The following FBXL16 variants were observed in gnomAD, a reference collection of about 807,000 sequenced individuals.
FBXL16 encodes F-box/LRR-repeat protein 16.
FBXL16 carries 7 observed loss-of-function variants against 36.7 expected under a neutral mutation model. That is an observed-to-expected ratio of 0.19 (90% CI 0.11 to 0.36). The LOEUF (loss-of-function observed/expected upper bound fraction) is 0.36. Ranked by LOEUF, FBXL16 falls within the 10% of genes least tolerant of loss-of-function variation. The pLI, the probability that FBXL16 is intolerant of heterozygous loss-of-function variation, is 1.00. For synonymous variants in FBXL16, 355 were observed against 308.7 expected, an observed-to-expected ratio of 1.15 and a Z score of -1.57; for missense variants, 463 against 659.4, an observed-to-expected ratio of 0.70 and a Z score of 3.26.
chr16:705,072 G>A (rs2040082116), intron 1 of FBXL16, among the ~76,000 whole-genome samples: 1 of 152,174 alleles, frequency 6.6e-6, no homozygotes, highest in African/African-American at 2.4e-5. Flanking sequence ...CCCGGGTCCA[G>A]AAGCCGCCCG....
At position 696,880 on chromosome 16, in the gene FBXL16, C is replaced by G; in HGVS notation, c.526G>C (p.Val176Leu). 6.2e-7 allele frequency: 1 copy of G among 1,609,980 alleles called. No individual in the cohort carries two copies. The highest frequency in any genetic ancestry group is 8.5e-7 in the Non-Finnish European group (1 of 1,179,178). ...RGFEGFCLVG[V>L]SDLDICEFID... is the part of the protein sequence containing the mutation. Reference sequence around the variant, plus strand: ...AACTCACAGATGTCCAGGTCGGAGACGCCAACCAGGCAGAAGCCCTCGAAG... The same window carrying G: ...AACTCACAGATGTCCAGGTCGGAGAGGCCAACCAGGCAGAAGCCCTCGAAG... The change falls in exon 2 of 6, where the codon GTC becomes CTC. Residue 176 changes from valine (V) to leucine (L), a missense_variant. By Grantham distance (32) the Val-to-Leu change is conservative. This residue lies in a region of FBXL16 where 263 missense variants were observed against 341.1 expected (regional missense o/e 0.77). Transcript: ENST00000397621.
rs1230994579 is a variant in FBXL16 at position 695,468 on chromosome 16, C to T, written c.1089G>A (p.Ala363=). 7 of 1,573,974 alleles carry T rather than the reference C, an allele frequency of 4.4e-6. No homozygotes were observed. Among genetic ancestry groups the T allele is most frequent in the South Asian group, 1.1e-5 (1 of 87,608 alleles). Reference sequence around the variant, plus strand: ...GCAGGTCGCAGGCCACGTACTCCAGCGCCATGTCGGTGATGCGTGGGCACC... The same window carrying T: ...GCAGGTCGCAGGCCACGTACTCCAGTGCCATGTCGGTGATGCGTGGGCACC... The part of the protein sequence containing the change: ...LSWCPRITDM[A]LEYVACDLHR... Residue 363 remains alanine, a synonymous_variant, in exon 3 of 6, where the codon GCG becomes GCA. Transcript: ENST00000397621.
At chr16:700,290 A>C (rs1314291203) in intron 1 of FBXL16, among the ~76,000 whole-genome samples, 1 of 151,776 alleles carries the variant, frequency 6.6e-6, no homozygotes. Context: ...CCTCTGTACC[A>C]TCTCCCCCTC....
In FBXL16 at chr16:694,982, G is replaced by C. The variant is rs781416218; in HGVS notation, c.1227+10C>G. 11 of 1,529,098 alleles carry C rather than the reference G, an allele frequency of 7.2e-6. No individual in the cohort carries two copies. The highest frequency in any genetic ancestry group is 6.0e-5 in the Admixed American group (3 of 49,766). The allele number at this position is 1,529,098 out of a possible 1,614,324, so 94.7% of individuals were successfully genotyped here. On this transcript the variant is annotated intron_variant, in intron 4 of 5. Transcript: ENST00000397621. Reference sequence around the variant, plus strand: ...CCGATCCCCCAATCCCGGGGCGTGAGAGCCGGTACCTGGCAGCACCATCGC... The same window carrying C: ...CCGATCCCCCAATCCCGGGGCGTGACAGCCGGTACCTGGCAGCACCATCGC...
At chr16:704,160 G>T (rs2040074948) in intron 1 of FBXL16, among the ~76,000 whole-genome samples, 1 of 152,242 alleles carries the variant, frequency 6.6e-6, no homozygotes, top group Admixed American at 6.5e-5. Flanking sequence ...AGTGCCACCT[G>T]GGTGGGAGAT....
intron 1 of FBXL16, among the ~76,000 whole-genome samples, chr16:705,294 G>A (rs1276821409): frequency 1.3e-5 from 2 of 152,116 alleles, no homozygotes; most frequent in Non-Finnish European, 2.9e-5. Context: ...CCCTCTTCCG[G>A]GCCAGGGGCC....
In FBXL16 at chr16:697,384, C is replaced by T. The variant is rs746640728; in HGVS notation, c.22G>A (p.Gly8Ser). 25 of 1,535,482 alleles carry T rather than the reference C, an allele frequency of 1.6e-5. No individual in the cohort carries two copies. The highest frequency in any genetic ancestry group is 1.4e-4 in the South Asian group (12 of 83,978). Residue 8 changes from glycine (G) to serine (S), a missense_variant, in exon 2 of 6, where the codon GGC becomes AGC. Physicochemically the swap from Gly to Ser is moderately conservative, Grantham distance 56. Transcript: ENST00000397621. This position sits in a 1 kb window ranked among gnomAD's most constrained non-coding sequence, Gnocchi z 4.6. MSSPGID[G>S]DPKPPCLPRN... ...GGCAAGCATGGAGGCTTGGGGTCGC[C>T]GTCGATGCCCGGGCTCGACATCTTC...
chr16:697,150 G>C lies in FBXL16; in HGVS notation c.256C>G (p.Pro86Ala). 6.3e-7 allele frequency: 1 copy of C among 1,595,512 alleles called. No homozygotes were observed. Among genetic ancestry groups the C allele is most frequent in the African/African-American group, 1.3e-5 (1 of 74,570 alleles). ...PAGGPASALA[P>A]GHPAERPPLA... is the part of the protein sequence containing the mutation. Reference sequence around the variant, plus strand: ...GGCGGCCGCTCCGCTGGGTGCCCAGGTGCCAAGGCTGAGGCTGGTCCACCT... The same window carrying C: ...GGCGGCCGCTCCGCTGGGTGCCCAGCTGCCAAGGCTGAGGCTGGTCCACCT... Residue 86 changes from proline to alanine, a missense_variant, in exon 2 of 6, where the codon CCT (proline) becomes GCT (alanine). Physicochemically the swap from Pro to Ala is conservative, Grantham distance 27. Around this residue, in one of 3 missense-constraint regions of FBXL16, gnomAD observed 263 missense variants for 341.1 expected, o/e 0.77. Coordinates refer to ENST00000397621, the MANE Select transcript of FBXL16 (RefSeq NM_153350.4). The surrounding 1 kb of genome is among the most constrained non-coding windows in gnomAD (Gnocchi z 4.6).
chr16:695,223 GA>G (rs1263036924), intron 3 of FBXL16, 147 bp from the exon 4 acceptor site: 8 of 1,161,770 alleles, frequency 6.9e-6, no homozygotes, highest in Non-Finnish European at 9.5e-6. Flanking sequence ...CACCGGGAAG[GA>G]CGGGGGTCCA....
At position 698,913 on chromosome 16, in the gene FBXL16, C is replaced by CAAAAA. The variant is rs767619638; in HGVS notation, c.-14-1499_-14-1495dup. ...TGGGGAACAGAGTGAGACTTTGTCTCAAAAAAAAAAAAAAAAAAAGAAAGA... is the reference window on the plus strand; with the variant it reads ...TGGGGAACAGAGTGAGACTTTGTCTCAAAAAAAAAAAAAAAAAAAAAAAAGAAAGA... On this transcript the variant is annotated intron_variant, in intron 1 of 5. Transcript: ENST00000397621. Among the ~76,000 whole-genome samples, 541 of 89,456 alleles carry CAAAAA rather than the reference C, an allele frequency of 6.0e-3. 11 individuals carry two copies. Among genetic ancestry groups the CAAAAA allele is most frequent in the South Asian group, 0.025 (80 of 3,252 alleles). The allele number at this position is 89,456 out of a possible 152,430, so 58.7% of individuals were successfully genotyped here.
At chr16:702,874 T>G (rs2040067159) in intron 1 of FBXL16, among the ~76,000 whole-genome samples, 1 of 152,198 alleles carries the variant, frequency 6.6e-6, no homozygotes, top group Admixed American at 6.5e-5. Context: ...AGGAAGTGGC[T>G]GCCCGTCCTC....
intron 1 of FBXL16, among the ~76,000 whole-genome samples, chr16:701,233 G>A (rs575634261): frequency 6.6e-6 from 1 of 152,186 alleles, no homozygotes; most frequent in Non-Finnish European, 1.5e-5. Flanking sequence ...GGCCGTCTGG[G>A]TATGGGTCCG....
At chr16:702,931 G>A (rs1007633676) in intron 1 of FBXL16, among the ~76,000 whole-genome samples, 8 of 152,234 alleles carry the variant, frequency 5.3e-5, no homozygotes, top group Non-Finnish European at 1.0e-4. Context: ...CTCCTGCCCC[G>A]CTCTCCCTGG....
intron 1 of FBXL16, among the ~76,000 whole-genome samples, chr16:701,625 CG>C (rs1278515785): frequency 6.6e-6 from 1 of 151,296 alleles, no homozygotes; most frequent in East Asian, 2.0e-4. Context: ...CCCAGCCAGA[CG>C]GTCACCAAGG....
chr16:704,846 C>T (rs1257851054), intron 1 of FBXL16, among the ~76,000 whole-genome samples: 1 of 152,244 alleles, frequency 6.6e-6, no homozygotes, highest in Non-Finnish European at 1.5e-5. Context: ...CTGAAGCTGC[C>T]ACCGCAGCCC....
chr16:697,993 CTG>C lies in FBXL16; in HGVS notation c.-14-576_-14-575del. Reference sequence around the variant, plus strand: ...CCAGCCTGGGCAACTGAGCAAGACTCTGTCTCAAAAAAAAAAAAAAGAAACAG... The same window carrying C: ...CCAGCCTGGGCAACTGAGCAAGACTCTCTCAAAAAAAAAAAAAAGAAACAG... On this transcript the variant is annotated intron_variant, in intron 1 of 5. Coordinates refer to ENST00000397621, the MANE Select transcript of FBXL16 (RefSeq NM_153350.4). This position sits in a 1 kb window ranked among gnomAD's most constrained non-coding sequence, Gnocchi z 4.6. 6.7e-6 allele frequency among the ~76,000 whole-genome samples: 1 copy of C among 149,934 alleles called. No homozygotes were observed. Among genetic ancestry groups the C allele is most frequent in the African/African-American group, 2.5e-5 (1 of 40,376 alleles).
Position 697,117 on chromosome 16 carries a change from T to C in FBXL16, c.289A>G (p.Thr97Ala). The part of the protein sequence containing the change: ...GHPAERPPLA[T>A]DEKILNGLFW... ...AGCCCATTGAGGATCTTCTCGTCCG[T>C]GGCCAGCGGCGGCCGCTCCGCTGGG... The change falls in exon 2 of 6, where the codon ACG becomes GCG. Residue 97 changes from threonine (T) to alanine (A), a missense_variant. Coordinates refer to ENST00000397621, the MANE Select transcript of FBXL16 (RefSeq NM_153350.4). This position sits in a 1 kb window ranked among gnomAD's most constrained non-coding sequence, Gnocchi z 4.6. 1 of 1,607,106 alleles carries C rather than the reference T, an allele frequency of 6.2e-7. No homozygotes were observed. The highest frequency in any genetic ancestry group is 8.5e-7 in the Non-Finnish European group (1 of 1,177,190).
At chr16:698,483 C>A (rs1052003055) in intron 1 of FBXL16, among the ~76,000 whole-genome samples, 6 of 152,230 alleles carry the variant, frequency 3.9e-5, no homozygotes, top group African/African-American at 1.4e-4. Flanking sequence ...CCCCTCTGGG[C>A]AGGCCAGGGG....
At chr16:694,532 G>A in intron 5 of FBXL16, 102 bp downstream of exon 5, 1 of 1,512,510 alleles carries the variant, frequency 6.6e-7, no homozygotes, top group South Asian at 1.2e-5. Flanking sequence ...CTGTGTGTCC[G>A]CGCCGGGTGT....
Sources: allele counts gnomAD v4.1 joint callset (sites outside exome capture counted in the v4.1 genomes callset), GRCh38; gene constraint gnomAD v4.1.1; regional missense constraint gnomAD v4.1.1; non-coding constraint Gnocchi (gnomAD v3.1); transcripts MANE v1.5; gene names NCBI Gene and HGNC (gene_info 2026-07-23, HGNC 2026-07-21).